TES: variants seen among roughly 807,000 people sequenced by gnomAD.
TES encodes the protein testin LIM domain protein.
Under a neutral mutation model 48.2 loss-of-function variants are expected in TES, and 41 were observed. That is an observed-to-expected ratio of 0.85 (90% confidence interval 0.66 to 1.10). The LOEUF is 1.10. Ranked by LOEUF, TES falls within the 50% of genes least tolerant of loss-of-function variation. The pLI is 0.00. For synonymous variants in TES, 162 were observed against 174.9 expected (o/e 0.93, Z 0.58); for missense variants, 463 against 515.1 (o/e 0.90, Z 0.98).
intron 1 of TES, among the ~76,000 whole-genome samples, chr7:116,234,297 TAC>T (rs1563009167): frequency 1.3e-5 from 2 of 152,168 alleles, no homozygotes; most frequent in African/African-American, 4.8e-5. Flanking sequence ...TAGTTTTCTA[TAC>T]AGTTATATTC....
rs199689967 is a variant in TES, at chr7:116,210,756, G to A, written c.27+22G>A. ...GAAGGTAGGGGGGCGCTCGTGGCGG[G>A]CGGCGGCTGCTTCACCTGCGCGGGT... On this transcript the variant is annotated intron_variant, in intron 1 of 6. Transcript: ENST00000358204. The A allele has an allele frequency of 5.1e-4, 637 of 1,239,414 alleles. 2 individuals are homozygous for A. Among genetic ancestry groups the A allele is most frequent in the Admixed American group, 4.7e-3 (110 of 23,280 alleles). The allele number at this position is 1,239,414 out of a possible 1,614,324, so 76.8% of individuals were successfully genotyped here.
chr7:116,252,303 T>G lies in TES; in HGVS notation c.919-15T>G. The G allele has an allele frequency of 6.3e-7, 1 of 1,591,836 alleles. No individual in the cohort carries two copies. Among genetic ancestry groups the G allele is most frequent in the East Asian group, 2.3e-5 (1 of 44,362 alleles). On this transcript the variant is annotated splice_polypyrimidine_tract_variant and intron_variant, in intron 5 of 6. Transcript: ENST00000358204. ...ATTATATAAAAATCCATCTTTATTT[T>G]TATCTTCTTCCTAGCTGATATTCAG... is the stretch of plus-strand genomic sequence containing the variant.
chr7:116,221,032 C>T (rs757429568), intron 1 of TES, among the ~76,000 whole-genome samples: 1 of 152,090 alleles, frequency 6.6e-6, no homozygotes, highest in Non-Finnish European at 1.5e-5. Flanking sequence ...TGATGGCATG[C>T]TCTCAGTAAA....
At chr7:116,246,625 C>A (rs1344302624) in intron 2 of TES, among the ~76,000 whole-genome samples, 2 of 152,206 alleles carry the variant, frequency 1.3e-5, no homozygotes, top group East Asian at 1.9e-4. Flanking sequence ...GGGACAATTT[C>A]TTTCCTAATT....
At chr7:116,236,452 G>T (rs550400517) in intron 2 of TES, among the ~76,000 whole-genome samples, 94 of 152,190 alleles carry the variant, frequency 6.2e-4, no homozygotes, top group African/African-American at 1.9e-3. Context: ...AGCTGTATAT[G>T]AAACAGAAAT....
At chr7:116,252,511 C>G (rs1184760703) in intron 6 of TES, 35 bp downstream of exon 6, 2 of 1,614,122 alleles carry the variant, frequency 1.2e-6, no homozygotes, top group Non-Finnish European at 1.7e-6. Context: ...TTGCCTCAGC[C>G]TGCTTTAGGA....
chr7:116,245,174 C>A (rs553893743), intron 2 of TES, among the ~76,000 whole-genome samples: 1 of 152,184 alleles, frequency 6.6e-6, no homozygotes, highest in African/African-American at 2.4e-5. Context: ...ATTTCTGCAG[C>A]GGGCTTGAAT....
At position 116,227,693 on chromosome 7, in the gene TES, A is replaced by G. The variant is rs143936348; in HGVS notation, c.28-6841A>G. On this transcript the variant is annotated intron_variant, in intron 1 of 6. Transcript: ENST00000358204. ...AATATGAATATATGTGTGTGTATAT[A>G]TACATGCATATGTGTGTGTATATAT... is the stretch of plus-strand genomic sequence containing the variant. 3.1e-3 allele frequency among the ~76,000 whole-genome samples: 469 copies of G among 152,326 alleles called. 11 individuals carry two copies. The South Asian group carries it at 0.049, about 16-fold the overall frequency.
intron 1 of TES, among the ~76,000 whole-genome samples, chr7:116,219,397 A>G (rs572509784): frequency 6.6e-6 from 1 of 152,268 alleles, no homozygotes; most frequent in South Asian, 2.1e-4. Context: ...GATCTCCCTT[A>G]ACTGTGATGA....
intron 1 of TES, among the ~76,000 whole-genome samples, chr7:116,222,551 G>C (rs1467143229): frequency 1.3e-5 from 2 of 152,150 alleles, no homozygotes; most frequent in Non-Finnish European, 2.9e-5. Context: ...CATGTATTAT[G>C]ATGGGTTACC....
intron 2 of TES, among the ~76,000 whole-genome samples, chr7:116,246,870 G>A (rs1194219216): frequency 2.0e-5 from 3 of 149,788 alleles, no homozygotes; most frequent in East Asian, 3.9e-4. Context: ...AATTTTCTCT[G>A]TGTATGTGTG....
At chr7:116,242,533 CTCTCTG>C (rs747150482) in intron 2 of TES, among the ~76,000 whole-genome samples, 8,625 of 73,808 alleles carry the variant, frequency 0.12, 326 homozygotes, top group Middle Eastern at 0.17. Context: ...CTCTCTCTCT[CTCTCTG>C]TCTCTGTCTC....
intron 1 of TES, among the ~76,000 whole-genome samples, chr7:116,222,451 T>C (rs1019986232): frequency 1.3e-5 from 2 of 152,176 alleles, no homozygotes; most frequent in Non-Finnish European, 2.9e-5. Flanking sequence ...TGTACTGCCG[T>C]CTTTTTCTGC....
At chr7:116,219,186 G>C (rs570828591) in intron 1 of TES, among the ~76,000 whole-genome samples, 1 of 152,276 alleles carries the variant, frequency 6.6e-6, no homozygotes, top group South Asian at 2.1e-4. Flanking sequence ...ATTCCATAAA[G>C]AGGAAATAGC....
rs1329757340 is a variant in TES at position 116,254,756 on chromosome 7, ATATGTGTGTGTG to A, written c.1077+2282_1077+2293del. Among the ~76,000 whole-genome samples, 726 of 143,276 alleles carry A rather than the reference ATATGTGTGTGTG, an allele frequency of 5.1e-3. 7 individuals carry two copies. Among genetic ancestry groups the A allele is most frequent in the African/African-American group, 0.018 (692 of 38,448 alleles). 94.0% of individuals were successfully genotyped at this position (143,276 alleles called of 152,430 possible). On this transcript the variant is annotated intron_variant, in intron 6 of 6. Coordinates refer to ENST00000358204, the MANE Select transcript of TES (RefSeq NM_015641.4). ...ACTCCGTCTCAAAAAAAATATATAT[ATATGTGTGTGTG>A]TGTGTGTGTGTGTGTGTGTGTGTGT...
intron 1 of TES, among the ~76,000 whole-genome samples, chr7:116,225,507 C>A (rs1317193168): frequency 6.6e-6 from 1 of 152,174 alleles, no homozygotes; most frequent in Non-Finnish European, 1.5e-5. Context: ...GCAGAAAGAA[C>A]ACTTGTTTCC....
chr7:116,232,691 C>G, intron 1 of TES, among the ~76,000 whole-genome samples: 1 of 152,062 alleles, frequency 6.6e-6, no homozygotes, highest in African/African-American at 2.4e-5. Flanking sequence ...ACTGTGTGAA[C>G]TGTGATCATC....
intron 1 of TES, among the ~76,000 whole-genome samples, chr7:116,233,473 G>T (rs1216831499): frequency 6.6e-6 from 1 of 152,142 alleles, no homozygotes; most frequent in Non-Finnish European, 1.5e-5. Context: ...AAGAGCACAG[G>T]CCTTGGAGTC....
In TES at chr7:116,257,346, A is replaced by G. The variant is rs1182382726; in HGVS notation, c.1130A>G (p.Tyr377Cys). ...GACCCAGAAGTGCAGCGGGTGACCT[A>G]TAACAATTTCAGCTGGCATGCATCC... ...AIDPEVQRVT[Y>C]NNFSWHASTE... is the part of the protein sequence containing the mutation. Residue 377 changes from tyrosine (Y) to cysteine (C), a missense_variant, in exon 7 of 7, where the codon TAT (tyrosine) becomes TGT (cysteine). Coordinates refer to ENST00000358204, the MANE Select transcript of TES (RefSeq NM_015641.4). 1.9e-6 allele frequency: 3 copies of G among 1,613,886 alleles called. No individual in the cohort carries two copies. Among genetic ancestry groups the G allele is most frequent in the Non-Finnish European group, 2.5e-6 (3 of 1,179,974 alleles).
Sources: allele counts gnomAD v4.1 joint callset (sites outside exome capture counted in the v4.1 genomes callset), GRCh38; gene constraint gnomAD v4.1.1; transcripts MANE v1.5; gene names NCBI Gene and HGNC (gene_info 2026-07-23, HGNC 2026-07-21).